EPSTI1: variants seen among roughly 807,000 people sequenced by gnomAD.
EPSTI1 encodes epithelial-stromal interaction protein 1.
Under a neutral mutation model 49.9 loss-of-function variants are expected in EPSTI1, and 66 were observed. The observed-to-expected ratio is 1.32, with a 90% CI of 1.08 to 1.62. EPSTI1 has a LOEUF of 1.62. EPSTI1 is among the 40% of genes most tolerant of loss of function. EPSTI1 has a pLI of 0.00. For missense variants in EPSTI1, 394 were observed against 365.5 expected, an observed-to-expected ratio of 1.08 and a Z score of -0.64; for synonymous variants, 137 against 130.7, an observed-to-expected ratio of 1.05 and a Z score of -0.33.
intron 6 of EPSTI1, among the ~76,000 whole-genome samples, chr13:42,953,331 T>G (rs1318605667): frequency 6.6e-6 from 1 of 152,146 alleles, no homozygotes; most frequent in African/African-American, 2.4e-5. Flanking sequence ...TTGGTTCTAT[T>G]TCTACCACAT....
intron 3 of EPSTI1, 76 bp from the exon 4 acceptor site, chr13:42,964,215 T>C (rs1367026798): frequency 6.3e-6 from 7 of 1,115,508 alleles, no homozygotes; most frequent in Non-Finnish European, 9.1e-6. Context: ...CTAATTAATA[T>C]ATAATAAATC....
At chr13:42,958,085 A>G (rs1182960128) in intron 5 of EPSTI1, among the ~76,000 whole-genome samples, 10 of 152,146 alleles carry the variant, frequency 6.6e-5, no homozygotes, top group Admixed American at 6.6e-5. Flanking sequence ...TTTTTCAGTT[A>G]AGAACACCGT....
intron 10 of EPSTI1, among the ~76,000 whole-genome samples, chr13:42,890,375 G>T (rs1400756064): frequency 7.0e-6 from 1 of 142,096 alleles, no homozygotes; most frequent in African/African-American, 2.7e-5. Context: ...CCTGCTCACC[G>T]CAAGCTCCGC....
chr13:42,944,290 C>T (rs1594698204), intron 6 of EPSTI1, among the ~76,000 whole-genome samples: 1 of 152,116 alleles, frequency 6.6e-6, no homozygotes, highest in African/African-American at 2.4e-5. Context: ...CAATGTTGGG[C>T]TGGATAAAGA....
intron 1 of EPSTI1, among the ~76,000 whole-genome samples, chr13:42,973,620 C>T (rs1221727430): frequency 6.6e-6 from 1 of 152,126 alleles, no homozygotes; most frequent in Non-Finnish European, 1.5e-5. Context: ...TTAGTAGATA[C>T]AAATATTCAT....
At chr13:42,915,576 C>A (rs145222241) in intron 8 of EPSTI1, among the ~76,000 whole-genome samples, 2 of 151,914 alleles carry the variant, frequency 1.3e-5, no homozygotes, top group South Asian at 4.2e-4. Flanking sequence ...AACAACAACA[C>A]GTCAGGCAAA....
intron 8 of EPSTI1, among the ~76,000 whole-genome samples, chr13:42,910,009 A>G (rs1271148492): frequency 1.3e-5 from 2 of 152,208 alleles, no homozygotes; most frequent in African/African-American, 4.8e-5. Context: ...AGCTAGACTT[A>G]GCCATTTCAC....
intron 7 of EPSTI1, among the ~76,000 whole-genome samples, chr13:42,917,858 T>C (rs1051169796): frequency 1.3e-5 from 2 of 152,188 alleles, no homozygotes; most frequent in African/African-American, 4.8e-5. Context: ...ATCCTGCACA[T>C]TTGAAAGGAT....
At chr13:42,963,622 T>G (rs1253931768) in intron 4 of EPSTI1, 2 of 401,116 alleles carry the variant, frequency 5.0e-6, no homozygotes, top group Non-Finnish European at 4.4e-6. Context: ...GTGTGTGGTG[T>G]GTGTGTGTAT....
chr13:42,957,189 G>A (rs1594724767), intron 5 of EPSTI1, among the ~76,000 whole-genome samples: 1 of 152,180 alleles, frequency 6.6e-6, no homozygotes, highest in African/African-American at 2.4e-5. Flanking sequence ...AGGAGGAAGA[G>A]TCTAAGATTA....
chr13:42,954,572 C>CT (rs11414491), intron 5 of EPSTI1, among the ~76,000 whole-genome samples: 46,851 of 151,618 alleles, frequency 0.31, 7,620 homozygotes, highest in East Asian at 0.51. Flanking sequence ...GAAAATAGTT[C>CT]TTTTTTTTAA....
intron 8 of EPSTI1, among the ~76,000 whole-genome samples, chr13:42,916,273 A>T (rs202120422): frequency 1.2e-4 from 1 of 8,566 alleles, no homozygotes; most frequent in Non-Finnish European, 2.2e-3. Flanking sequence ...ATATTTATTT[A>T]AAAAAAAAAA....
At chr13:42,974,628 C>A (rs1180264184) in intron 1 of EPSTI1, among the ~76,000 whole-genome samples, 1 of 151,822 alleles carries the variant, frequency 6.6e-6, no homozygotes, top group Non-Finnish European at 1.5e-5. Flanking sequence ...CACTGCACTC[C>A]CGCCTGGGCG....
chr13:42,943,697 T>C (rs1340776747), intron 6 of EPSTI1, among the ~76,000 whole-genome samples: 3 of 152,214 alleles, frequency 2.0e-5, no homozygotes, highest in Non-Finnish European at 4.4e-5. Context: ...TTACCAATTA[T>C]TAATTGCATA....
At chr13:42,908,273 G>A (rs766292492) in intron 8 of EPSTI1, among the ~76,000 whole-genome samples, 1 of 152,180 alleles carries the variant, frequency 6.6e-6, no homozygotes, top group African/African-American at 2.4e-5. Context: ...ATCACTGCAG[G>A]CTAGGAGTTT....
At chr13:42,962,932 G>A (rs1343214698) in intron 5 of EPSTI1, among the ~76,000 whole-genome samples, 1 of 152,220 alleles carries the variant, frequency 6.6e-6, no homozygotes, top group East Asian at 1.9e-4. Context: ...ACAAGAGGTT[G>A]CAATACAATA....
At chr13:42,989,812 C>G (rs1217862962) in intron 1 of EPSTI1, among the ~76,000 whole-genome samples, 1 of 151,754 alleles carries the variant, frequency 6.6e-6, no homozygotes. Context: ...CCAGGATGGT[C>G]TCCATCTCCT....
intron 7 of EPSTI1, among the ~76,000 whole-genome samples, chr13:42,918,309 T>C (rs1248931951): frequency 1.3e-5 from 2 of 152,212 alleles, no homozygotes; most frequent in Non-Finnish European, 2.9e-5. Context: ...CTGACATTTA[T>C]GGCATTTCAA....
At position 42,926,990 on chromosome 13, in the gene EPSTI1, G is replaced by GACAGACACACAC. The variant is rs1555262200; in HGVS notation, c.564-562_564-561insGTGTGTGTCTGT. Among the ~76,000 whole-genome samples the GACAGACACACAC allele has an allele frequency of 9.0e-5, 13 of 144,714 alleles. No individual in the cohort carries two copies. In the South Asian group the frequency reaches 1.9e-3, roughly 21 times the overall value. 94.9% of individuals were successfully genotyped at this position (144,714 alleles called of 152,430 possible). On this transcript the variant is annotated intron_variant, in intron 6 of 10. Coordinates refer to ENST00000313624, the MANE Select transcript of EPSTI1 (RefSeq NM_033255.5). ...AGCAAAAGTGAACCCTCTGTTAACA[G>GACAGACACACAC]ACACACACACACACACACACACACA...
Sources: allele counts gnomAD v4.1 joint callset (sites outside exome capture counted in the v4.1 genomes callset), GRCh38; gene constraint gnomAD v4.1.1; transcripts MANE v1.5; gene names NCBI Gene and HGNC (gene_info 2026-07-23, HGNC 2026-07-21).